Variants in DDAH1 observed in about 807,000 individuals in gnomAD.
DDAH1 encodes N(G),N(G)-dimethylarginine dimethylaminohydrolase 1.
In DDAH1, 19 loss-of-function variants were observed where a neutral mutation model predicts 28.8. The ratio of observed to expected loss-of-function variants is 0.66; its 90% CI spans 0.46 to 0.97. The LOEUF (loss-of-function observed/expected upper bound fraction) is 0.97, where lower values mean the gene tolerates loss of function less well. DDAH1 is among the 50% of genes least tolerant of loss of function. The pLI, the probability that DDAH1 is intolerant of heterozygous loss-of-function variation, is 0.00. For synonymous variants in DDAH1, 153 were observed against 154.4 expected (o/e 0.99, Z 0.07); for missense variants, 326 against 375.9 (o/e 0.87, Z 1.10).
chr1:85,441,233 T>C (rs952299824), intron 1 of DDAH1, among the ~76,000 whole-genome samples: 1 of 152,090 alleles, frequency 6.6e-6, no homozygotes, highest in African/African-American at 2.4e-5. Flanking sequence ...CATACAGTAT[T>C]GAGAAAGGAG....
Position 85,380,949 on chromosome 1 carries a change from T to C in DDAH1, c.304-22102A>G, listed in dbSNP as rs566604990. Among the ~76,000 whole-genome samples, 12 of 152,214 alleles carry C rather than the reference T, an allele frequency of 7.9e-5. No homozygotes were observed. In the South Asian group the frequency reaches 1.5e-3, roughly 18 times the overall value. On this transcript the variant is annotated intron_variant, in intron 1 of 5. Transcript: ENST00000284031. ...GAAGAAACTATAGACCTGAAAGATA[T>C]ATTCTAGCCGGGCGTGGTGGCTCAC... is the stretch of plus-strand genomic sequence containing the variant.
chr1:85,406,235 A>T (rs1652397031), intron 1 of DDAH1, among the ~76,000 whole-genome samples: 1 of 152,240 alleles, frequency 6.6e-6, no homozygotes, highest in South Asian at 2.1e-4. Flanking sequence ...TATTTGATAC[A>T]GTCCTCATAG....
intron 1 of DDAH1, among the ~76,000 whole-genome samples, chr1:85,564,829 A>T (rs1213489877): frequency 6.7e-6 from 1 of 150,104 alleles, no homozygotes; most frequent in Non-Finnish European, 1.5e-5. Flanking sequence ...GTGCCACTGC[A>T]CTCCACCCTG....
intron 1 of DDAH1, among the ~76,000 whole-genome samples, chr1:85,395,444 G>A (rs1287677496): frequency 6.6e-6 from 1 of 152,160 alleles, no homozygotes. Context: ...AGGCCAAGGT[G>A]GGTGGATCAC....
At chr1:85,567,539 A>G (rs1659339045) in intron 1 of DDAH1, among the ~76,000 whole-genome samples, 1 of 152,152 alleles carries the variant, frequency 6.6e-6, no homozygotes, top group South Asian at 2.1e-4. Flanking sequence ...GCCATGTGGG[A>G]CTGTAAGTCC....
At chr1:85,357,320 C>A (rs974640152) in intron 2 of DDAH1, among the ~76,000 whole-genome samples, 3 of 152,124 alleles carry the variant, frequency 2.0e-5, no homozygotes, top group African/African-American at 7.2e-5. Context: ...AGCACAGGTG[C>A]AGTACACAAC....
At chr1:85,480,904 G>A (rs931733349) in intron 2 of DDAH1, among the ~76,000 whole-genome samples, 3 of 151,780 alleles carry the variant, frequency 2.0e-5, no homozygotes, top group Non-Finnish European at 4.4e-5. Context: ...TGAAAATAAT[G>A]TTTTAGTATG....
chr1:85,571,484 G>A (rs375143735), intron 1 of DDAH1, among the ~76,000 whole-genome samples: 7 of 152,316 alleles, frequency 4.6e-5, no homozygotes, highest in African/African-American at 1.7e-4. Flanking sequence ...AAAGCTGCAC[G>A]GCTTCTAGAG....
chr1:85,483,738 C>T (rs1449692751), intron 2 of DDAH1, among the ~76,000 whole-genome samples: 2 of 152,160 alleles, frequency 1.3e-5, no homozygotes, highest in East Asian at 1.9e-4. Flanking sequence ...TTGCAGACCA[C>T]GGATCGCGGA....
intron 1 of DDAH1, among the ~76,000 whole-genome samples, chr1:85,567,278 G>A (rs1659331358): frequency 6.6e-6 from 1 of 152,178 alleles, no homozygotes. Flanking sequence ...TTGGCTCTGT[G>A]TCCCCACCCA....
At chr1:85,496,368 A>C in intron 1 of DDAH1, 2 of 211,284 alleles carry the variant, frequency 9.5e-6, no homozygotes, top group Non-Finnish European at 1.6e-5. Context: ...AGTCTTCTCT[A>C]GAGAGAAGAG....
chr1:85,361,168 G>A (rs1032192560), intron 1 of DDAH1, among the ~76,000 whole-genome samples: 1 of 152,200 alleles, frequency 6.6e-6, no homozygotes, highest in South Asian at 2.1e-4. Flanking sequence ...CACACTCTTG[G>A]CATTGAGGTT....
At chr1:85,394,395 C>T (rs891578197) in intron 1 of DDAH1, among the ~76,000 whole-genome samples, 2 of 152,178 alleles carry the variant, frequency 1.3e-5, no homozygotes, top group Non-Finnish European at 2.9e-5. Flanking sequence ...TGGGCTGCCC[C>T]GTCTTGGACT....
chr1:85,358,707 T>C, intron 2 of DDAH1, 41 bp downstream of exon 2: 1 of 1,356,134 alleles, frequency 7.4e-7, no homozygotes, highest in South Asian at 1.3e-5. Context: ...AAGCCAAGTA[T>C]TAAAAATATT....
At chr1:85,377,653 T>G (rs1650743410) in intron 1 of DDAH1, among the ~76,000 whole-genome samples, 1 of 152,136 alleles carries the variant, frequency 6.6e-6, no homozygotes, top group Non-Finnish European at 1.5e-5. Context: ...TCTGCCAGAT[T>G]TTCCTTCACA....
At chr1:85,546,228 C>T (rs1658622221) in intron 1 of DDAH1, among the ~76,000 whole-genome samples, 1 of 151,958 alleles carries the variant, frequency 6.6e-6, no homozygotes, top group South Asian at 2.1e-4. Context: ...CAACTCTGCC[C>T]TCATGAATGG....
intron 1 of DDAH1, among the ~76,000 whole-genome samples, chr1:85,547,763 T>C (rs1658671193): frequency 6.6e-6 from 1 of 152,138 alleles, no homozygotes; most frequent in South Asian, 2.1e-4. Flanking sequence ...AATATTCCTG[T>C]GAGGAAGATG....
At chr1:85,400,309 A>C (rs538125829) in intron 1 of DDAH1, among the ~76,000 whole-genome samples, 91 of 143,940 alleles carry the variant, frequency 6.3e-4, no homozygotes, top group African/African-American at 1.9e-3. Flanking sequence ...CTCCTGCCTC[A>C]ATCTCCTGAG....
At chr1:85,328,890 CAT>C in intron 4 of DDAH1, among the ~76,000 whole-genome samples, 1 of 152,370 alleles carries the variant, frequency 6.6e-6, no homozygotes, top group African/African-American at 2.4e-5. Flanking sequence ...TCCCACCACT[CAT>C]AATCACCAGA....
Sources: allele counts gnomAD v4.1 joint callset (sites outside exome capture counted in the v4.1 genomes callset), GRCh38; gene constraint gnomAD v4.1.1; transcripts MANE v1.5; gene names NCBI Gene and HGNC (gene_info 2026-07-23, HGNC 2026-07-21).